The following RABGAP1 variants were observed in gnomAD, a reference collection of about 807,000 sequenced individuals.
The protein encoded by RABGAP1 is RAB GTPase activating protein 1.
A neutral mutation model predicts 137.6 loss-of-function variants in RABGAP1; 23 were observed. The ratio of observed to expected loss-of-function variants is 0.17; its 90% CI spans 0.12 to 0.24. The LOEUF is 0.24. Among genes scored for constraint, RABGAP1 ranks in the 10% least tolerant of loss-of-function variants. The pLI is 1.00. For missense variants in RABGAP1, 906 were observed against 1,275.8 expected (o/e 0.71, Z 4.42); for synonymous variants, 451 against 450.7 (o/e 1.00, Z -0.01).
chr9:123,055,524 G>T (rs2033655587), intron 13 of RABGAP1, among the ~76,000 whole-genome samples: 1 of 150,564 alleles, frequency 6.6e-6, no homozygotes, highest in Admixed American at 6.6e-5. Flanking sequence ...GAGCCATCAT[G>T]CCCAGCCAGA....
At chr9:122,996,215 G>A (rs1837014477) in intron 7 of RABGAP1, 64 bp downstream of exon 7, 1 of 1,528,206 alleles carries the variant, frequency 6.5e-7, no homozygotes, top group Non-Finnish European at 8.7e-7. Context: ...TAATGGCATA[G>A]TTTTACACTG....
chr9:123,005,648 C>T (rs1234529468), intron 10 of RABGAP1, among the ~76,000 whole-genome samples: 2 of 152,162 alleles, frequency 1.3e-5, no homozygotes, highest in African/African-American at 2.4e-5. Context: ...ATGGGCTTTT[C>T]AACCAGTCTG....
upstream of RABGAP1, chr9:122,938,783 T>C (rs1011366495): frequency 2.0e-5 from 3 of 152,206 alleles, no homozygotes; most frequent in African/African-American, 7.2e-5. Flanking sequence ...TAGTCTGATA[T>C]GTTTGACTTG....
chr9:122,953,679 G>A (rs143235682), intron 1 of RABGAP1, among the ~76,000 whole-genome samples: 190 of 152,318 alleles, frequency 1.2e-3, no homozygotes, highest in African/African-American at 4.2e-3. Flanking sequence ...GATTATAGGC[G>A]TGAGCCACTG....
chr9:123,013,662 C>G (rs1037289813), intron 11 of RABGAP1, among the ~76,000 whole-genome samples: 1 of 152,036 alleles, frequency 6.6e-6, no homozygotes, highest in African/African-American at 2.4e-5. Flanking sequence ...CCTTATTCAT[C>G]CATATATAGA....
chr9:122,996,957 A>G, intron 8 of RABGAP1: 2 of 537,984 alleles, frequency 3.7e-6, no homozygotes, highest in Non-Finnish European at 6.9e-6. Flanking sequence ...TTATCTGAAA[A>G]TCTTTATTTT....
intron 12 of RABGAP1, 123 bp from the exon 13 acceptor site, chr9:123,020,186 C>A: frequency 1.1e-6 from 1 of 870,306 alleles, no homozygotes; most frequent in Non-Finnish European, 1.6e-6. Flanking sequence ...TTTTTTTTCC[C>A]TTTATTACTT....
chr9:122,957,611 A>AT lies in RABGAP1; in HGVS notation c.150+413dup, dbSNP rs879351740. Among the ~76,000 whole-genome samples, 744 of 146,606 alleles carry AT rather than the reference A, an allele frequency of 5.1e-3. 1 individual carries two copies. Among genetic ancestry groups the AT allele is most frequent in the Middle Eastern group, 0.014 (4 of 288 alleles). ...TTGAAACAACTTTAAATACCTGGCCATTTTTTTTTTTATAATTTCTCAGCC... is the reference window on the plus strand; with the variant it reads ...TTGAAACAACTTTAAATACCTGGCCATTTTTTTTTTTTATAATTTCTCAGCC... On this transcript the variant is annotated intron_variant, in intron 2 of 25. Coordinates refer to ENST00000373647, the MANE Select transcript of RABGAP1 (RefSeq NM_012197.4).
At chr9:123,011,020 C>G (rs979719998) in intron 11 of RABGAP1, among the ~76,000 whole-genome samples, 7 of 137,972 alleles carry the variant, frequency 5.1e-5, no homozygotes, top group Non-Finnish European at 7.9e-5. Context: ...TTTTTTTTTT[C>G]TGGCTAAATC....
chr9:122,943,454 C>G (rs1044952086), intron 1 of RABGAP1, among the ~76,000 whole-genome samples: 1 of 152,124 alleles, frequency 6.6e-6, no homozygotes, highest in Non-Finnish European at 1.5e-5. Flanking sequence ...GAAAGTTAAC[C>G]TATCAGCTAT....
At chr9:123,040,995 A>C (rs974193538) in intron 13 of RABGAP1, among the ~76,000 whole-genome samples, 1 of 152,132 alleles carries the variant, frequency 6.6e-6, no homozygotes, top group Non-Finnish European at 1.5e-5. Context: ...GCTCTTTTGT[A>C]GTATATCATA....
chr9:123,063,673 T>C (rs964117510), intron 13 of RABGAP1, among the ~76,000 whole-genome samples: 7 of 152,250 alleles, frequency 4.6e-5, no homozygotes, highest in African/African-American at 1.7e-4. Context: ...CCATGTGTTA[T>C]ATCTTCCTTA....
At chr9:123,094,989 C>T (rs868047912) in intron 21 of RABGAP1, among the ~76,000 whole-genome samples, 8 of 151,350 alleles carry the variant, frequency 5.3e-5, no homozygotes, top group African/African-American at 1.9e-4. Flanking sequence ...TTTCTTTTTC[C>T]CACTTTTCCA....
At chr9:123,030,992 C>T (rs941893770) in intron 13 of RABGAP1, among the ~76,000 whole-genome samples, 4 of 151,578 alleles carry the variant, frequency 2.6e-5, no homozygotes, top group Non-Finnish European at 5.9e-5. Flanking sequence ...TTGATTTTAG[C>T]TCCTAGAGTG....
At chr9:123,057,853 C>T (rs2033799117) in intron 13 of RABGAP1, among the ~76,000 whole-genome samples, 2 of 152,318 alleles carry the variant, frequency 1.3e-5, no homozygotes, top group South Asian at 4.1e-4. Context: ...GAGCTGGAGA[C>T]CAGCCCCGCC....
chr9:122,982,581 A>G (rs533384794), intron 2 of RABGAP1, among the ~76,000 whole-genome samples: 1 of 152,182 alleles, frequency 6.6e-6, no homozygotes, highest in East Asian at 1.9e-4. Context: ...AAGCTGTATA[A>G]CTCTATTCCT....
intron 25 of RABGAP1, 144 bp downstream of exon 25, chr9:123,101,907 C>T: frequency 1.2e-6 from 1 of 826,076 alleles, no homozygotes; most frequent in Non-Finnish European, 1.8e-6. Flanking sequence ...AAATATAGGA[C>T]TTGTTACTGG....
chr9:122,969,515 G>A (rs749263531), intron 2 of RABGAP1, among the ~76,000 whole-genome samples: 2 of 152,248 alleles, frequency 1.3e-5, no homozygotes, highest in East Asian at 3.9e-4. Context: ...TATTCAAATT[G>A]TTAAATCTTT....
Position 123,076,449 on chromosome 9 carries a change from A to T in RABGAP1, c.2295+163A>T, listed in dbSNP as rs74431185. 2.0e-3 allele frequency among the ~76,000 whole-genome samples: 301 copies of T among 152,258 alleles called. 4 individuals carry two copies. Among genetic ancestry groups the T allele is most frequent in the African/African-American group, 6.6e-3 (276 of 41,552 alleles). On this transcript the variant is annotated intron_variant, in intron 18 of 25. Transcript: ENST00000373647. ...AAAAGCGAAGAAATATCTTCTGGGG[A>T]TTATAAAAGTGCTGGAAATCTAGCA...
Sources: gnomAD v4.1 joint callset for allele counts (sites outside exome capture counted in the v4.1 genomes callset) on GRCh38, gnomAD v4.1.1 for gene constraint, MANE v1.5 for transcripts, NCBI Gene and HGNC (gene_info 2026-07-23, HGNC 2026-07-21) for gene names.